The following CPNE8 variants were observed in gnomAD, a reference collection of about 807,000 sequenced individuals.
CPNE8 encodes copine 8, also known as copine-8.
A neutral mutation model predicts 81.5 loss-of-function variants in CPNE8; 45 were observed. The ratio of observed to expected loss-of-function variants is 0.55; its 90% CI spans 0.44 to 0.71. The LOEUF is 0.71. Ranked by LOEUF, CPNE8 falls within the 30% of genes least tolerant of loss-of-function variation. CPNE8 has a pLI of 0.00. For synonymous variants in CPNE8, 252 were observed against 226.3 expected, an observed-to-expected ratio of 1.11 and a Z score of -1.02; for missense variants, 594 against 672.1, an observed-to-expected ratio of 0.88 and a Z score of 1.28.
At chr12:38,762,553 G>A (rs563356009) in intron 8 of CPNE8, among the ~76,000 whole-genome samples, 34 of 152,308 alleles carry the variant, frequency 2.2e-4, no homozygotes, top group Non-Finnish European at 3.7e-4. Flanking sequence ...ACTTTGAGAA[G>A]AACAGCTTTG....
At chr12:38,899,371 GC>G (rs1944429076) in intron 1 of CPNE8, among the ~76,000 whole-genome samples, 1 of 152,194 alleles carries the variant, frequency 6.6e-6, no homozygotes, top group Admixed American at 6.6e-5. Context: ...GAAGCTGGCA[GC>G]CTGTAACCTG....
rs1944039617 is a variant in CPNE8 at position 38,874,479 on chromosome 12, G to C, written c.131C>G (p.Ser44Cys). Residue 44 changes from serine to cysteine, a missense_variant, in exon 2 of 20, where the codon TCT (serine) becomes TGT (cysteine). Transcript: ENST00000331366. Reference protein sequence around the residue: ...NLLDRDTFSKSDPICVLYVQG... With the variant: ...NLLDRDTFSKCDPICVLYVQG... ...AAGCAATACATACTTACTTGGATCA[G>C]ATTTAGAAAATGTGTCTCTGTCAAG... The C allele has an allele frequency of 6.2e-7, 1 of 1,608,634 alleles. No individual in the cohort carries two copies. Among genetic ancestry groups the C allele is most frequent in the Non-Finnish European group, 8.5e-7 (1 of 1,176,834 alleles).
At chr12:38,654,129 C>A in intron 19 of CPNE8, 59 bp from the exon 20 acceptor site, 1 of 1,500,556 alleles carries the variant, frequency 6.7e-7, no homozygotes, top group Non-Finnish European at 8.9e-7. Flanking sequence ...GTAATAAACA[C>A]AAAAAATCAA....
rs527477484 is a variant in CPNE8, at chr12:38,715,424, G to A, written c.914+8348C>T. 1.4e-4 allele frequency among the ~76,000 whole-genome samples: 21 copies of A among 152,088 alleles called. No homozygotes were observed. The South Asian group carries it at 2.9e-3, about 21-fold the overall frequency. On this transcript the variant is annotated intron_variant, in intron 13 of 19. Coordinates refer to ENST00000331366, the MANE Select transcript of CPNE8 (RefSeq NM_153634.3). The stretch of plus-strand genomic sequence containing the variant: ...TTACTTGTCAATTCAGATTCAACAT[G>A]AGCATAACCCGACAGTGGAAAGGTT...
chr12:38,768,696 AT>A (rs11403546), intron 7 of CPNE8, among the ~76,000 whole-genome samples: 445 of 142,692 alleles, frequency 3.1e-3, no homozygotes, highest in African/African-American at 7.3e-3. Flanking sequence ...ATTTTTTTGT[AT>A]TTTTTTTTTT....
At chr12:38,679,283 A>C (rs1370764863) in intron 16 of CPNE8, among the ~76,000 whole-genome samples, 1 of 151,858 alleles carries the variant, frequency 6.6e-6, no homozygotes, top group Non-Finnish European at 1.5e-5. Flanking sequence ...CCAGTGGCTT[A>C]ACTGATTTTC....
intron 11 of CPNE8, 26 bp downstream of exon 11, chr12:38,730,256 AC>A (rs752353344): frequency 1.3e-4 from 180 of 1,356,028 alleles, no homozygotes; most frequent in Non-Finnish European, 1.7e-4. Context: ...CTAGAAAAAA[AC>A]AATGGTAAAA....
chr12:38,716,698 C>A lies in CPNE8; in HGVS notation c.914+7074G>T, dbSNP rs572358218. 2.6e-5 allele frequency among the ~76,000 whole-genome samples: 4 copies of A among 152,088 alleles called. No homozygotes were observed. In the South Asian group the frequency reaches 8.3e-4, roughly 32 times the overall value. On this transcript the variant is annotated intron_variant, in intron 13 of 19. Transcript: ENST00000331366. The stretch of plus-strand genomic sequence containing the variant: ...GAACCATAAGAATTCCAGAAGATAA[C>A]ATCAGAAAAACTCTCTGGACATTGG...
intron 19 of CPNE8, among the ~76,000 whole-genome samples, chr12:38,666,527 G>GC (rs1939059347): frequency 6.6e-5 from 10 of 152,134 alleles, no homozygotes; most frequent in Admixed American, 6.5e-4. Flanking sequence ...TGTGTGACAG[G>GC]CTATACGTGG....
chr12:38,803,198 CA>C (rs1374478619), intron 6 of CPNE8, among the ~76,000 whole-genome samples: 1 of 67,420 alleles, frequency 1.5e-5, no homozygotes, highest in Non-Finnish European at 3.3e-5. Context: ...GGCAGAGACA[CA>C]ACCAAAAAAG....
upstream of CPNE8, chr12:38,905,940 C>G: frequency 1.0e-6 from 1 of 985,414 alleles, no homozygotes; most frequent in South Asian, 4.7e-5. Flanking sequence ...CCCTCGCCGG[C>G]TCTGCGTGCT....
intron 19 of CPNE8, among the ~76,000 whole-genome samples, chr12:38,656,260 G>A (rs532442347): frequency 6.6e-6 from 1 of 150,440 alleles, no homozygotes; most frequent in East Asian, 1.9e-4. Flanking sequence ...AAGGTATAAT[G>A]CTTTAAATGT....
chr12:38,814,309 CTTTTTTTTTTTTT>C (rs61444154), intron 6 of CPNE8, among the ~76,000 whole-genome samples: 7 of 49,170 alleles, frequency 1.4e-4, no homozygotes, highest in African/African-American at 5.7e-4. Flanking sequence ...CCAGACCTGG[CTTTTTTTTTTTTT>C]TTTTTTTTTT....
chr12:38,818,836 G>A (rs1943068028), intron 6 of CPNE8, among the ~76,000 whole-genome samples: 1 of 152,198 alleles, frequency 6.6e-6, no homozygotes, highest in Non-Finnish European at 1.5e-5. Context: ...TAACTGGCAT[G>A]AGATGGTATC....
At chr12:38,768,686 AT>A (rs1459607950) in intron 7 of CPNE8, among the ~76,000 whole-genome samples, 1 of 147,934 alleles carries the variant, frequency 6.8e-6, no homozygotes, top group African/African-American at 2.5e-5. Context: ...CGCCCGGCTA[AT>A]TTTTTTGTAT....
intron 6 of CPNE8, among the ~76,000 whole-genome samples, chr12:38,827,161 C>T (rs148448129): frequency 0.024 from 2,133 of 90,032 alleles, 32 homozygotes; most frequent in Middle Eastern, 0.075. Context: ...AGGGAGACTC[C>T]GTCTCAAAAA....
At chr12:38,854,951 G>T (rs1286951700) in intron 3 of CPNE8, among the ~76,000 whole-genome samples, 1 of 152,052 alleles carries the variant, frequency 6.6e-6, no homozygotes, top group Non-Finnish European at 1.5e-5. Flanking sequence ...TGGAAAGAAA[G>T]AAGTGAAACT....
At chr12:38,904,470 G>GTTTT (rs11343890) in intron 1 of CPNE8, among the ~76,000 whole-genome samples, 1 of 120,306 alleles carries the variant, frequency 8.3e-6, no homozygotes, top group Non-Finnish European at 1.7e-5. Context: ...GTTTTTTTTT[G>GTTTT]TTTTTTTTTT....
upstream of CPNE8, chr12:38,905,621 G>A (rs1014249697): frequency 3.3e-6 from 5 of 1,519,806 alleles, no homozygotes; most frequent in Non-Finnish European, 4.4e-6. Flanking sequence ...GCGGGGATGG[G>A]GGTTGAGGGT....
Sources: allele counts gnomAD v4.1 joint callset (sites outside exome capture counted in the v4.1 genomes callset), GRCh38; gene constraint gnomAD v4.1.1; transcripts MANE v1.5; gene names NCBI Gene and HGNC (gene_info 2026-07-23, HGNC 2026-07-21).